MAP4K4: variants seen among roughly 807,000 people sequenced by gnomAD.
MAP4K4 encodes mitogen-activated protein kinase kinase kinase kinase 4, also known as HPK/GCK-like kinase HGK.
Under a neutral mutation model 189.6 loss-of-function variants are expected in MAP4K4, and 38 were observed. The ratio of observed to expected loss-of-function variants is 0.20; its 90% confidence interval spans 0.15 to 0.26. The LOEUF (loss-of-function observed/expected upper bound fraction) is 0.26. Among genes scored for constraint, MAP4K4 ranks in the 10% least tolerant of loss-of-function variants. The pLI, the probability that MAP4K4 is intolerant of heterozygous loss-of-function variation, is 1.00. For missense variants in MAP4K4, 1,054 were observed against 1,726.9 expected, an observed-to-expected ratio of 0.61 and a Z score of 6.91; for synonymous variants, 610 against 624.3, an observed-to-expected ratio of 0.98 and a Z score of 0.34.
chr2:101,758,627 C>G (rs2074161666), intron 2 of MAP4K4, among the ~76,000 whole-genome samples: 1 of 152,110 alleles, frequency 6.6e-6, no homozygotes, highest in Non-Finnish European at 1.5e-5. Context: ...ATTTAGGCTT[C>G]CCAGCTGTGT....
At chr2:101,725,554 T>C (rs1324433664) in intron 2 of MAP4K4, among the ~76,000 whole-genome samples, 1 of 152,220 alleles carries the variant, frequency 6.6e-6, no homozygotes, top group Non-Finnish European at 1.5e-5. Flanking sequence ...TTACATCCCT[T>C]GCATAATCAA....
intron 3 of MAP4K4, among the ~76,000 whole-genome samples, chr2:101,821,178 A>T (rs181863800): frequency 3.3e-5 from 5 of 152,300 alleles, no homozygotes; most frequent in Admixed American, 6.5e-5. Context: ...ACTTTCCTAT[A>T]TGCAGGGTTT....
chr2:101,848,141 C>T (rs1272788569), intron 12 of MAP4K4, among the ~76,000 whole-genome samples: 2 of 152,218 alleles, frequency 1.3e-5, no homozygotes, highest in South Asian at 2.1e-4. Context: ...CCTAACGACG[C>T]ATTTCTAGGA....
chr2:101,714,229 T>G (rs941386638), intron 2 of MAP4K4, among the ~76,000 whole-genome samples: 1 of 152,222 alleles, frequency 6.6e-6, no homozygotes, highest in Non-Finnish European at 1.5e-5. Context: ...TTTCAACTAT[T>G]TATTAAATGT....
intron 2 of MAP4K4, among the ~76,000 whole-genome samples, chr2:101,741,366 C>T (rs1236972230): frequency 6.6e-6 from 1 of 152,052 alleles, no homozygotes; most frequent in East Asian, 1.9e-4. Context: ...GACGGGGTTT[C>T]ACCGTGTTAG....
At chr2:101,710,118 T>C (rs1322360670) in intron 2 of MAP4K4, among the ~76,000 whole-genome samples, 1 of 152,214 alleles carries the variant, frequency 6.6e-6, no homozygotes, top group East Asian at 1.9e-4. Flanking sequence ...GACTGAATAT[T>C]ATCTGAGTTA....
chr2:101,884,413 T>C (rs779503802), intron 28 of MAP4K4, among the ~76,000 whole-genome samples: 33 of 152,344 alleles, frequency 2.2e-4, no homozygotes, highest in Non-Finnish European at 3.1e-4. Context: ...GTCTTAATGT[T>C]CGTTTATTGA....
At chr2:101,799,088 T>TTTTCAAGGTG (rs2094111438) in intron 3 of MAP4K4, among the ~76,000 whole-genome samples, 1 of 152,308 alleles carries the variant, frequency 6.6e-6, no homozygotes, top group Non-Finnish European at 1.5e-5. Flanking sequence ...GGCCCATAAA[T>TTTTCAAGGTG]AATTTTCAAG....
intron 2 of MAP4K4, among the ~76,000 whole-genome samples, chr2:101,702,051 G>A (rs1408037391): frequency 1.3e-5 from 2 of 151,964 alleles, no homozygotes; most frequent in Non-Finnish European, 2.9e-5. Context: ...TATAGAGATG[G>A]GTTTTCACCA....
rs764650115 is a variant in MAP4K4, at chr2:101,869,594, A to G, written c.2464-28A>G. The G allele has an allele frequency of 3.2e-6, 5 of 1,582,404 alleles. No homozygotes were observed. The South Asian group carries it at 4.5e-5, about 14-fold the overall frequency. ...TCCTGTCCCTGCTCCTGCTTGCCTTACTCTCTCTTTTCTGTCCTTTGCTTT... is the reference window on the plus strand; with the variant it reads ...TCCTGTCCCTGCTCCTGCTTGCCTTGCTCTCTCTTTTCTGTCCTTTGCTTT... On this transcript the variant is annotated intron_variant, in intron 21 of 32. Coordinates refer to ENST00000324219, the Ensembl canonical transcript of MAP4K4.
At position 101,811,442 on chromosome 2, in the gene MAP4K4, A is replaced by G. The variant is rs1170056590; in HGVS notation, c.181-12486A>G. 3.4e-5 allele frequency among the ~76,000 whole-genome samples: 5 copies of G among 148,380 alleles called. No individual in the cohort carries two copies. In the Admixed American group the frequency reaches 3.4e-4, roughly 10 times the overall value. On this transcript the variant is annotated intron_variant, in intron 3 of 32. Coordinates refer to ENST00000324219, the Ensembl canonical transcript of MAP4K4. The stretch of plus-strand genomic sequence containing the variant: ...TGTGGCTTCCCTGGCTTCATTCTGT[A>G]TAGTGTCATTCCTTGTCTGGTTTCT...
intron 2 of MAP4K4, among the ~76,000 whole-genome samples, chr2:101,704,886 A>G (rs2041459860): frequency 6.6e-6 from 1 of 152,120 alleles, no homozygotes; most frequent in South Asian, 2.1e-4. Context: ...CCATTGTGGC[A>G]GCAATGGTTG....
chr2:101,864,094 TG>T, intron 17 of MAP4K4, 43 bp downstream of exon 17: 1 of 1,142,900 alleles, frequency 8.7e-7, no homozygotes, highest in Non-Finnish European at 1.2e-6. Flanking sequence ...TTTTCCTTTT[TG>T]TTATTTTTTT....
intron 2 of MAP4K4, among the ~76,000 whole-genome samples, chr2:101,724,717 T>C (rs1223465542): frequency 1.3e-5 from 2 of 152,182 alleles, no homozygotes; most frequent in Non-Finnish European, 2.9e-5. Context: ...CCTTGAGAGA[T>C]TACAAAACAA....
intron 2 of MAP4K4, among the ~76,000 whole-genome samples, chr2:101,770,990 A>T (rs1429474243): frequency 1.3e-5 from 2 of 152,186 alleles, no homozygotes; most frequent in Non-Finnish European, 2.9e-5. Context: ...TAACCATCCA[A>T]GTTGAATATT....
At chr2:101,775,898 T>G (rs1426388660) in intron 2 of MAP4K4, among the ~76,000 whole-genome samples, 1 of 152,110 alleles carries the variant, frequency 6.6e-6, no homozygotes. Context: ...TTTGTTGGAG[T>G]GTTATGTGGT....
intron 9 of MAP4K4, among the ~76,000 whole-genome samples, chr2:101,838,056 G>GT (rs1253824144): frequency 1.3e-5 from 2 of 152,126 alleles, no homozygotes; most frequent in Non-Finnish European, 2.9e-5. Context: ...AAATTCTACT[G>GT]TTTTTTTGAG....
chr2:101,884,414 C>T (rs1385466051), intron 28 of MAP4K4, among the ~76,000 whole-genome samples: 5 of 152,158 alleles, frequency 3.3e-5, no homozygotes, highest in South Asian at 2.1e-4. Flanking sequence ...TCTTAATGTT[C>T]GTTTATTGAT....
chr2:101,774,034 T>TA (rs2082723040), intron 2 of MAP4K4, among the ~76,000 whole-genome samples: 1 of 151,704 alleles, frequency 6.6e-6, no homozygotes, highest in Non-Finnish European at 1.5e-5. Flanking sequence ...GGAGTGCAGA[T>TA]ATCTCTTTGA....
Sources: gnomAD v4.1 joint callset for allele counts (sites outside exome capture counted in the v4.1 genomes callset) on GRCh38, gnomAD v4.1.1 for gene constraint, MANE v1.5 for transcripts, NCBI Gene and HGNC (gene_info 2026-07-23, HGNC 2026-07-21) for gene names.